Variants in CXCL13 observed in about 807,000 individuals in gnomAD.
CXCL13 encodes the protein C-X-C motif chemokine ligand 13.
A neutral mutation model predicts 12.2 loss-of-function variants in CXCL13; 7 were observed. The observed-to-expected ratio is 0.57, with a 90% CI of 0.33 to 1.07. The LOEUF is 1.07. CXCL13 is among the 50% of genes least tolerant of loss of function. The probability of loss-of-function intolerance (pLI) is 0.04; values close to 1 mark genes in which losing one functional copy is unlikely to be tolerated. For missense variants in CXCL13, 113 were observed against 127.4 expected (o/e 0.89, Z 0.55); for synonymous variants, 47 against 42.4 (o/e 1.11, Z -0.42).
At chr4:77,533,742 C>A (rs1011383465) in intron 1 of CXCL13, among the ~76,000 whole-genome samples, 14 of 152,136 alleles carry the variant, frequency 9.2e-5, no homozygotes, top group Non-Finnish European at 1.5e-4. Context: ...GGCGGGCACC[C>A]CTCCCCCAGC....
intron 1 of CXCL13, among the ~76,000 whole-genome samples, chr4:77,514,195 C>A (rs1724349051): frequency 6.6e-6 from 1 of 152,094 alleles, no homozygotes; most frequent in African/African-American, 2.4e-5. Context: ...TTTCTTAATC[C>A]AGTCTGTCAT....
At chr4:77,565,352 T>C (rs1192081404) in intron 1 of CXCL13, among the ~76,000 whole-genome samples, 1 of 152,150 alleles carries the variant, frequency 6.6e-6, no homozygotes, top group Non-Finnish European at 1.5e-5. Context: ...CAAACACAAC[T>C]CAGATTCAAC....
chr4:77,562,705 A>C (rs1473724765), intron 1 of CXCL13, among the ~76,000 whole-genome samples: 1 of 142,970 alleles, frequency 7.0e-6, no homozygotes, highest in Non-Finnish European at 1.5e-5. Context: ...CATACCAATC[A>C]GCACCCTGTG....
intron 1 of CXCL13, among the ~76,000 whole-genome samples, chr4:77,512,002 C>T (rs566899132): frequency 6.6e-6 from 1 of 152,174 alleles, no homozygotes; most frequent in Non-Finnish European, 1.5e-5. Context: ...CCATGGAGCA[C>T]CTTGAAGATC....
Position 77,520,869 on chromosome 4 carries a change from T to C in CXCL13, c.-43+9081T>C, listed in dbSNP as rs536233419. ...TTGTGAGTTTGTCATAAATAGCTCT[T>C]ATTATTTTGAGATGTGTTCCATCAA... On this transcript the variant is annotated intron_variant, in intron 1 of 4. Transcript: ENST00000286758. Among the ~76,000 whole-genome samples, 68 of 152,336 alleles carry C rather than the reference T, an allele frequency of 4.5e-4. 1 individual carries two copies. Among genetic ancestry groups the C allele is most frequent in the East Asian group, 1.9e-4 (1 of 5,184 alleles).
intron 1 of CXCL13, among the ~76,000 whole-genome samples, chr4:77,574,196 C>T (rs1726156331): frequency 6.6e-6 from 1 of 151,776 alleles, no homozygotes; most frequent in Non-Finnish European, 1.5e-5. Context: ...TTTTTCTTTT[C>T]AGTCAACTGG....
At chr4:77,530,136 A>G (rs900951295) in intron 1 of CXCL13, among the ~76,000 whole-genome samples, 9 of 152,316 alleles carry the variant, frequency 5.9e-5, no homozygotes, top group African/African-American at 2.2e-4. Context: ...CCACTTGATC[A>G]TGGTGGATAA....
At chr4:77,522,015 C>T (rs1324487107) in intron 1 of CXCL13, among the ~76,000 whole-genome samples, 1 of 152,062 alleles carries the variant, frequency 6.6e-6, no homozygotes, top group Non-Finnish European at 1.5e-5. Context: ...TGTAGTTGTG[C>T]AGTTTTGAGT....
chr4:77,535,925 G>A (rs1183109184), intron 1 of CXCL13, among the ~76,000 whole-genome samples: 1 of 152,148 alleles, frequency 6.6e-6, no homozygotes, highest in Non-Finnish European at 1.5e-5. Flanking sequence ...CAAAAGTTGG[G>A]TGTGGAATTG....
chr4:77,596,225 A>G (rs1474822462), intron 1 of CXCL13, among the ~76,000 whole-genome samples: 1 of 152,224 alleles, frequency 6.6e-6, no homozygotes, highest in Non-Finnish European at 1.5e-5. Context: ...TGATTTTCTA[A>G]GTAACCAAAA....
At chr4:77,540,175 G>T (rs1725165402) in intron 1 of CXCL13, among the ~76,000 whole-genome samples, 1 of 152,108 alleles carries the variant, frequency 6.6e-6, no homozygotes, top group African/African-American at 2.4e-5. Context: ...GTACAAGATA[G>T]AAAAAATTTT....
intron 1 of CXCL13, among the ~76,000 whole-genome samples, chr4:77,547,286 G>T (rs552628285): frequency 3.1e-4 from 47 of 152,308 alleles, no homozygotes; most frequent in Non-Finnish European, 5.4e-4. Flanking sequence ...GGATATCCTT[G>T]TTAATTTTCT....
At chr4:77,559,116 T>G (rs902441146) in intron 1 of CXCL13, among the ~76,000 whole-genome samples, 4 of 152,188 alleles carry the variant, frequency 2.6e-5, no homozygotes, top group African/African-American at 9.7e-5. Context: ...ACGCTGGGAT[T>G]GTATGTCCTC....
chr4:77,527,658 A>C (rs1359321756), intron 1 of CXCL13, among the ~76,000 whole-genome samples: 1 of 152,044 alleles, frequency 6.6e-6, no homozygotes, highest in Non-Finnish European at 1.5e-5. Flanking sequence ...AAGAAAGAAA[A>C]GAAATGATAG....
intron 1 of CXCL13, among the ~76,000 whole-genome samples, chr4:77,559,947 G>T (rs1332368575): frequency 6.8e-6 from 1 of 146,610 alleles, no homozygotes; most frequent in Non-Finnish European, 1.5e-5. Context: ...AAAACCTGAC[G>T]CTCAATGTGC....
Position 77,562,634 on chromosome 4 carries a change from T to C in CXCL13, c.-42-43190T>C, listed in dbSNP as rs545496063. 9.2e-5 allele frequency among the ~76,000 whole-genome samples: 13 copies of C among 140,864 alleles called. No individual in the cohort carries two copies. The East Asian group carries it at 2.5e-3, about 27-fold the overall frequency. The allele number at this position is 140,864 out of a possible 152,430, so 92.4% of individuals were successfully genotyped here. ...TTTGTAAACACACCAATCAGCACTC[T>C]GTATCTAGCTAATCTGGTGGGGACT... On this transcript the variant is annotated intron_variant, in intron 1 of 4. Coordinates refer to the CXCL13 transcript ENST00000286758.
chr4:77,532,361 G>A (rs936535026), intron 1 of CXCL13, among the ~76,000 whole-genome samples: 2 of 152,178 alleles, frequency 1.3e-5, no homozygotes, highest in Non-Finnish European at 2.9e-5. Flanking sequence ...CTTTAAGAAT[G>A]TTGAATATTG....
upstream of CXCL13, among the ~76,000 whole-genome samples, chr4:77,604,939 CT>C (rs539676373): frequency 1.3e-5 from 2 of 151,568 alleles, no homozygotes; most frequent in East Asian, 1.9e-4. Context: ...AGTCTACATA[CT>C]TTTTTTTTAA....
chr4:77,529,288 T>G (rs1162990884), intron 1 of CXCL13, among the ~76,000 whole-genome samples: 1 of 152,230 alleles, frequency 6.6e-6, no homozygotes, highest in Non-Finnish European at 1.5e-5. Flanking sequence ...ATATGAACTT[T>G]AAAGTAGATT....
Sources: gnomAD v4.1 joint callset for allele counts (sites outside exome capture counted in the v4.1 genomes callset) on GRCh38, gnomAD v4.1.1 for gene constraint, MANE v1.5 for transcripts, NCBI Gene and HGNC (gene_info 2026-07-23, HGNC 2026-07-21) for gene names.